CTPS1: variants seen among roughly 807,000 people sequenced by gnomAD.
The protein encoded by CTPS1 is CTP synthase 1, also known as CTP synthetase 1.
In CTPS1, 25 loss-of-function variants were observed where a neutral mutation model predicts 80.5. That is an observed-to-expected ratio of 0.31 (90% CI 0.23 to 0.43). The LOEUF (loss-of-function observed/expected upper bound fraction) is 0.43. Among genes scored for constraint, CTPS1 ranks in the 20% least tolerant of loss-of-function variants. CTPS1 has a pLI of 1.00. For missense variants in CTPS1, 442 were observed against 725.7 expected (o/e 0.61, Z 4.49); for synonymous variants, 267 against 252.5 (o/e 1.06, Z -0.54).
At chr1:40,996,230 T>A in intron 8 of CTPS1, 162 bp downstream of exon 8, 1 of 767,772 alleles carries the variant, frequency 1.3e-6, no homozygotes, top group South Asian at 1.8e-5. Context: ...ATCTTAGCTG[T>A]CACGTAGCTG....
intron 8 of CTPS1, among the ~76,000 whole-genome samples, chr1:40,996,907 A>G (rs1468595906): frequency 1.3e-5 from 2 of 151,854 alleles, no homozygotes; most frequent in African/African-American, 4.8e-5. Context: ...TGAATTGTCT[A>G]TGTCTGTTAT....
At chr1:41,003,733 G>C (rs1033784048) in intron 12 of CTPS1, among the ~76,000 whole-genome samples, 15 of 152,176 alleles carry the variant, frequency 9.9e-5, no homozygotes, top group Non-Finnish European at 1.8e-4. Flanking sequence ...TCAGCTCTTC[G>C]CCTAGCTGTG....
intron 14 of CTPS1, among the ~76,000 whole-genome samples, chr1:41,008,406 T>C (rs1375190828): frequency 6.6e-6 from 1 of 152,178 alleles, no homozygotes; most frequent in Non-Finnish European, 1.5e-5. Flanking sequence ...TTTGCAATCA[T>C]GTGTTTGAGG....
intron 7 of CTPS1, among the ~76,000 whole-genome samples, chr1:40,995,202 G>C (rs1267682587): frequency 6.6e-6 from 1 of 151,998 alleles, no homozygotes; most frequent in Non-Finnish European, 1.5e-5. Flanking sequence ...CTACATTTGT[G>C]ATTTGGATCA....
chr1:41,000,220 T>A (rs1570968733), intron 9 of CTPS1, among the ~76,000 whole-genome samples: 1 of 11,894 alleles, frequency 8.4e-5, no homozygotes, highest in South Asian at 6.0e-3. Flanking sequence ...AACTTATGTT[T>A]TGTTTTGTTT....
Position 41,001,133 on chromosome 1 carries a change from TGCCTTG to T in CTPS1, c.1094+18_1094+23del, listed in dbSNP as rs780399530. ...GTAGTGCTCAGTGAGTAGAGTTCGCTGCCTTGGGTTTCCAGAGTTCTTTTGGTTTGT... is the reference window on the plus strand; with the variant it reads ...GTAGTGCTCAGTGAGTAGAGTTCGCTGGTTTCCAGAGTTCTTTTGGTTTGT... On this transcript the variant is annotated intron_variant, in intron 10 of 18. Transcript: ENST00000650070. The T allele has an allele frequency of 6.3e-7, 1 of 1,579,890 alleles. No individual in the cohort carries two copies. Among genetic ancestry groups the T allele is most frequent in the South Asian group, 1.2e-5 (1 of 85,736 alleles).
In CTPS1 at chr1:40,991,231, G is replaced by A. The variant is rs1334012902; in HGVS notation, c.622G>A (p.Gly208Arg). The part of the protein sequence containing the change: ...QNSVRELRGL[G>R]LSPDLVVCRC... ...TAGTGTTCGGGAACTTAGAGGACTT[G>A]GGCTTTCCCCAGATCTGGTAAGATT... The change falls in exon 6 of 19, where the codon GGG (glycine) becomes AGG (arginine). Residue 208 changes from glycine (G) to arginine (R), a missense_variant. Gly to Arg is a moderately radical substitution (Grantham distance 125, BLOSUM62 -2). Transcript: ENST00000650070. 1 of 1,591,676 alleles carries A rather than the reference G, an allele frequency of 6.3e-7. No homozygotes were observed. Among genetic ancestry groups the A allele is most frequent in the Admixed American group, 1.9e-5 (1 of 52,322 alleles).
intron 7 of CTPS1, among the ~76,000 whole-genome samples, chr1:40,993,608 A>G (rs950720397): frequency 2.6e-5 from 4 of 152,044 alleles, no homozygotes; most frequent in Non-Finnish European, 5.9e-5. Flanking sequence ...CAAAATGTTG[A>G]GATTACAGGC....
chr1:41,006,015 G>A, intron 12 of CTPS1, 36 bp from the exon 13 acceptor site: 1 of 1,548,748 alleles, frequency 6.5e-7, no homozygotes, highest in Non-Finnish European at 8.9e-7. Context: ...ACTTTCGTTT[G>A]TAACTATTTT....
At chr1:41,003,873 A>G (rs1642967257) in intron 12 of CTPS1, 2 of 152,140 alleles carry the variant, frequency 1.3e-5, no homozygotes, top group Non-Finnish European at 2.9e-5. Flanking sequence ...GAGATGGCAC[A>G]CTCCTGCCTT....
chr1:40,982,079 C>G (rs1400012450), intron 1 of CTPS1: 1 of 1,066,032 alleles, frequency 9.4e-7, no homozygotes. Flanking sequence ...TCCTGGACCT[C>G]TGAAGCTGGG....
At chr1:40,993,774 C>CTTTTTTTTTTTTTTTTTTTTTTTT (rs71278720) in intron 7 of CTPS1, among the ~76,000 whole-genome samples, 2 of 85,772 alleles carry the variant, frequency 2.3e-5, no homozygotes, top group Non-Finnish European at 4.5e-5. Flanking sequence ...TTTCTTCTCT[C>CTTTTTTTTTTTTTTTTTTTTTTTT]TTTTTTTTTT....
chr1:40,991,161 A>G lies in CTPS1; in HGVS notation c.556-4A>G, dbSNP rs758999285. On this transcript the variant is annotated splice_polypyrimidine_tract_variant and splice_region_variant and intron_variant, in intron 5 of 18. Transcript: ENST00000650070. ...CTTTTTTTTTTTTTTCTTTTGTGAA[A>G]TAGCCAAGTTCAACAGGGGAACAGA... 6.4e-7 allele frequency: 1 copy of G among 1,574,232 alleles called. No individual in the cohort carries two copies. Among genetic ancestry groups the G allele is most frequent in the Non-Finnish European group, 8.6e-7 (1 of 1,168,422 alleles).
At chr1:40,988,261 A>G (rs980950176) in intron 4 of CTPS1, among the ~76,000 whole-genome samples, 1 of 151,158 alleles carries the variant, frequency 6.6e-6, no homozygotes, top group Non-Finnish European at 1.5e-5. Context: ...AACTAAGGAG[A>G]TAAGATTTAG....
At position 41,001,072 on chromosome 1, in the gene CTPS1, A is replaced by T. The variant is rs1181901878; in HGVS notation, c.1049A>T (p.Glu350Val). The change falls in exon 10 of 19, where the codon GAG becomes GTG. Residue 350 changes from glutamate (E) to valine (V), a missense_variant. Around this residue, in one of 4 missense-constraint regions of CTPS1, gnomAD observed 321 missense variants for 467.2 expected, o/e 0.69. Transcript: ENST00000650070. ...TTGGAGCCCATCACCTCGCAAGAAG[A>T]GCCCGTGCGCTACCACGAAGCTTGG... ...ADLEPITSQE[E>V]PVRYHEAWQK... 6.2e-7 allele frequency: 1 copy of T among 1,612,602 alleles called. No homozygotes were observed. The highest frequency in any genetic ancestry group is 1.1e-5 in the South Asian group (1 of 90,832).
chr1:40,991,902 C>T, intron 7 of CTPS1, 57 bp downstream of exon 7: 10 of 1,337,914 alleles, frequency 7.5e-6, no homozygotes, highest in Non-Finnish European at 1.1e-5. Context: ...TGTCCTAAAG[C>T]CTCTTGATCA....
intron 18 of CTPS1, among the ~76,000 whole-genome samples, chr1:41,011,154 C>G (rs1360210035): frequency 2.0e-5 from 3 of 152,202 alleles, no homozygotes; most frequent in Admixed American, 6.5e-5. Context: ...GGTTGGTTGA[C>G]CCCCTGTCCT....
chr1:40,983,425 T>C lies in CTPS1; in HGVS notation c.135T>C (p.Ile45=). ...TCAAAATTGACCCCTACATTAACAT[T>C]GATGCAGGAACATTCTCTCCTTATG... is the stretch of plus-strand genomic sequence containing the variant. ...TSIKIDPYIN[I]DAGTFSPYEH... is the part of the protein sequence containing the mutation. The change falls in exon 2 of 19, where the codon ATT becomes ATC. Residue 45 remains isoleucine (I), a synonymous_variant. Transcript: ENST00000650070. The C allele has an allele frequency of 6.2e-7, 1 of 1,613,720 alleles. No homozygotes were observed. Among genetic ancestry groups the C allele is most frequent in the Non-Finnish European group, 8.5e-7 (1 of 1,179,740 alleles).
At chr1:40,983,850 C>T (rs1208155245) in intron 2 of CTPS1, among the ~76,000 whole-genome samples, 1 of 152,256 alleles carries the variant, frequency 6.6e-6, no homozygotes, top group East Asian at 1.9e-4. Flanking sequence ...CTTGGGTCCT[C>T]CCACCTGTAA....
Sources: allele counts gnomAD v4.1 joint callset (sites outside exome capture counted in the v4.1 genomes callset), GRCh38; gene constraint gnomAD v4.1.1; regional missense constraint gnomAD v4.1.1; transcripts MANE v1.5; gene names NCBI Gene and HGNC (gene_info 2026-07-23, HGNC 2026-07-21).